Variants in ULK1 observed in about 807,000 individuals in gnomAD.
The protein encoded by ULK1 is serine/threonine-protein kinase ULK1.
Under a neutral mutation model 117.5 loss-of-function variants are expected in ULK1, and 48 were observed. The ratio of observed to expected loss-of-function variants is 0.41; its 90% CI spans 0.32 to 0.52. The LOEUF is 0.52. Among genes scored for constraint, ULK1 ranks in the 20% least tolerant of loss-of-function variants. ULK1 has a pLI of 0.29. For synonymous variants in ULK1, 790 were observed against 637.8 expected, an observed-to-expected ratio of 1.24 and a Z score of -3.60; for missense variants, 1,387 against 1,473.4, an observed-to-expected ratio of 0.94 and a Z score of 0.96.
At position 131,922,019 on chromosome 12, in the gene ULK1, G is replaced by C. The variant is rs1056251985; in HGVS notation, c.*658G>C. On this transcript the variant is annotated 3_prime_UTR_variant, in exon 28 of 28. Coordinates refer to ENST00000321867, the MANE Select transcript of ULK1 (RefSeq NM_003565.4). Reference sequence around the variant, plus strand: ...TCAGCGGGAGAACTGGCTCCGGGGGGAGTGGGGCCCTGCGCTAGAGGCAGA... The same window carrying C: ...TCAGCGGGAGAACTGGCTCCGGGGGCAGTGGGGCCCTGCGCTAGAGGCAGA... 2 of 454,708 alleles carry C rather than the reference G, an allele frequency of 4.4e-6. No homozygotes were observed. The highest frequency in any genetic ancestry group is 8.9e-6 in the Non-Finnish European group (2 of 225,604). The allele number at this position is 454,708 out of a possible 1,614,324, so 28.2% of individuals were successfully genotyped here. A position where few individuals can be genotyped will look rare whatever the true frequency, so the allele number is the denominator to read the frequency against.
rs1462927032 is a variant in ULK1 at position 131,922,011 on chromosome 12, T to TC, written c.*652dup. The TC allele has an allele frequency of 6.6e-6, 3 of 454,750 alleles. No individual in the cohort carries two copies. Among genetic ancestry groups the TC allele is most frequent in the Non-Finnish European group, 8.9e-6 (2 of 225,650 alleles). The allele number at this position is 454,750 out of a possible 1,614,324, so 28.2% of individuals were successfully genotyped here. On this transcript the variant is annotated 3_prime_UTR_variant, in exon 28 of 28. Coordinates refer to ENST00000321867, the MANE Select transcript of ULK1 (RefSeq NM_003565.4). ...TCTGGACCTCAGCGGGAGAACTGGC[T>TC]CCGGGGGGAGTGGGGCCCTGCGCTA...
At chr12:131,917,996 T>C (rs1889940061) in intron 22 of ULK1, among the ~76,000 whole-genome samples, 1 of 152,108 alleles carries the variant, frequency 6.6e-6, no homozygotes, top group South Asian at 2.1e-4. Flanking sequence ...GGGTCCCCAC[T>C]GCGGGTTCTG....
rs142207215 is a variant in ULK1 at position 131,921,890 on chromosome 12, C to A, written c.*529C>A. The A allele has an allele frequency of 4.4e-6, 2 of 457,948 alleles. No individual in the cohort carries two copies. The highest frequency in any genetic ancestry group is 8.8e-6 in the Non-Finnish European group (2 of 227,960). The allele number at this position is 457,948 out of a possible 1,614,324, so 28.4% of individuals were successfully genotyped here. A position where few individuals can be genotyped will look rare whatever the true frequency, so the allele number is the denominator to read the frequency against. On this transcript the variant is annotated 3_prime_UTR_variant, in exon 28 of 28. Transcript: ENST00000321867. The stretch of plus-strand genomic sequence containing the variant: ...GACCTCACCAGGGACTGCTGGGCAG[C>A]GATTCCTGGCAGTGGCCTGGTGTTT...
chr12:131,900,039 C>T (rs1354842328), intron 3 of ULK1, among the ~76,000 whole-genome samples: 1 of 147,106 alleles, frequency 6.8e-6, no homozygotes. Flanking sequence ...ATCGCTTGAA[C>T]CCAGGAAGTG....
At chr12:131,908,588 C>G (rs1889378713) in intron 5 of ULK1, 56 bp from the exon 6 acceptor site, 4 of 1,425,886 alleles carry the variant, frequency 2.8e-6, no homozygotes, top group Non-Finnish European at 3.7e-6. Flanking sequence ...CTGCGCGGGA[C>G]TCACCCCTGG....
chr12:131,917,380 G>C (rs1468292888), intron 21 of ULK1, 31 bp from the exon 22 acceptor site: 1 of 1,417,392 alleles, frequency 7.1e-7, no homozygotes, highest in Non-Finnish European at 9.2e-7. Flanking sequence ...CGGGAGTCAG[G>C]ATGCTCCTGA....
At chr12:131,904,121 G>C (rs1374149770) in intron 3 of ULK1, among the ~76,000 whole-genome samples, 2 of 151,996 alleles carry the variant, frequency 1.3e-5, no homozygotes, top group Admixed American at 1.3e-4. Flanking sequence ...CCAGTCACTG[G>C]TGCCACAGGG....
chr12:131,914,293 TG>T, intron 15 of ULK1, 58 bp from the exon 16 acceptor site: 1 of 1,582,116 alleles, frequency 6.3e-7, no homozygotes. Flanking sequence ...CCCAGCTCCA[TG>T]ACCTCAGCCT....
At chr12:131,913,129 C>A in intron 13 of ULK1, 69 bp from the exon 14 acceptor site, 1 of 1,447,246 alleles carries the variant, frequency 6.9e-7, no homozygotes. Context: ...CAGCAGAGAG[C>A]CTCGGTGGGG....
chr12:131,915,964 T>C lies in ULK1; in HGVS notation c.1683T>C (p.Ser561=). 1 of 1,612,406 alleles carries C rather than the reference T, an allele frequency of 6.2e-7. No individual in the cohort carries two copies. The highest frequency in any genetic ancestry group is 2.2e-5 in the East Asian group (1 of 44,864). ...GCRLHSAPNL[S]DLHVVRPKLP... is the part of the protein sequence containing the mutation. ...GCCTGCACAGCGCCCCCAACCTGTC[T>C]GACTTGCACGTCGTCCGCCCCAAGC... Residue 561 remains serine, a synonymous_variant, in exon 19 of 28, where the codon TCT becomes TCC. Coordinates refer to ENST00000321867, the MANE Select transcript of ULK1 (RefSeq NM_003565.4).
chr12:131,917,394 C>T lies in ULK1; in HGVS notation c.2183-17C>T. 1 of 1,479,110 alleles carries T rather than the reference C, an allele frequency of 6.8e-7. No homozygotes were observed. Among genetic ancestry groups the T allele is most frequent in the Admixed American group, 2.3e-5 (1 of 43,832 alleles). 91.6% of individuals were successfully genotyped at this position (1,479,110 alleles called of 1,614,324 possible). A position where few individuals can be genotyped will look rare whatever the true frequency, so the allele number is the denominator to read the frequency against. ...GCGGGAGTCAGGATGCTCCTGAGCC[C>T]TTCCTTGCTCTCCCAGCACCCTCAG... is the stretch of plus-strand genomic sequence containing the variant. On this transcript the variant is annotated splice_polypyrimidine_tract_variant and intron_variant, in intron 21 of 27. Coordinates refer to ENST00000321867, the MANE Select transcript of ULK1 (RefSeq NM_003565.4).
At chr12:131,907,710 C>T (rs566711509) in intron 5 of ULK1, among the ~76,000 whole-genome samples, 179 bp downstream of exon 5, 8 of 152,248 alleles carry the variant, frequency 5.3e-5, no homozygotes, top group Admixed American at 3.3e-4. Flanking sequence ...GAGCTGCTCC[C>T]GGCTGTTAAG....
Position 131,906,630 on chromosome 12 carries a change from G to T in ULK1, c.247-262G>T, listed in dbSNP as rs925970146. The T allele has an allele frequency of 3.0e-5, 17 of 558,136 alleles. No homozygotes were observed. The Middle Eastern group carries it at 1.5e-3, about 48-fold the overall frequency. 34.6% of individuals were successfully genotyped at this position (558,136 alleles called of 1,614,324 possible). A position where few individuals can be genotyped will look rare whatever the true frequency, so the allele number is the denominator to read the frequency against. On this transcript the variant is annotated intron_variant, in intron 3 of 27. Transcript: ENST00000321867. ...CTTCACCCTTCCTGCTAGGGGGTAT[G>T]TCCTCTGCCAGGAGCTGTTGCTCTT...
chr12:131,919,383 G>A lies in ULK1; in HGVS notation c.2683G>A (p.Gly895Ser). ...GATCAGCCTGCTGAGCCGAGAATGG[G>A]GGTGGGTGCCGCCAGGGCTGGGGTG... The part of the protein sequence containing the change: ...DQISLLSREW[G>S]FAEQLVLYLK... The change falls in exon 24 of 28, where the codon GGC becomes AGC. Residue 895 changes from glycine (G) to serine (S), a missense_variant and splice_region_variant. This residue lies in a region of ULK1 where 900 missense variants were observed against 858.9 expected (regional missense o/e 1.05). Transcript: ENST00000321867. The A allele has an allele frequency of 6.4e-7, 1 of 1,555,568 alleles. No homozygotes were observed. Among genetic ancestry groups the A allele is most frequent in the Non-Finnish European group, 8.7e-7 (1 of 1,149,334 alleles).
At chr12:131,918,922 C>CAGGGTGTGTGGGGTGT (rs1890012711) in intron 23 of ULK1, among the ~76,000 whole-genome samples, 1 of 3,462 alleles carries the variant, frequency 2.9e-4, no homozygotes, top group African/African-American at 5.2e-4. Context: ...GTGTGGGGTG[C>CAGGGTGTGTGGGGTGT]AGGGTGTGTG....
intron 15 of ULK1, 45 bp downstream of exon 15, chr12:131,913,881 C>G (rs113800499): frequency 7.0e-7 from 1 of 1,431,192 alleles, no homozygotes; most frequent in Non-Finnish European, 9.2e-7. Context: ...TGAACAGTCC[C>G]CCGGCTGGAG....
chr12:131,908,875 G>C (rs964829441), intron 6 of ULK1, 23 bp from the exon 7 acceptor site: 3 of 1,608,916 alleles, frequency 1.9e-6, no homozygotes, highest in Non-Finnish European at 2.5e-6. Flanking sequence ...GCCGGCGCCG[G>C]TCCTGACGCT....
rs1320785439 is a variant in ULK1 at position 131,920,043 on chromosome 12, G to C, written c.2868G>C (p.Arg956=). The C allele has an allele frequency of 6.2e-6, 10 of 1,612,848 alleles. No individual in the cohort carries two copies. Among genetic ancestry groups the C allele is most frequent in the Non-Finnish European group, 7.6e-6 (9 of 1,179,974 alleles). ...TGTCCTGCCAGGGCCTGAGCCTGCGGCTGCAGCGCTTCTTCCTGGACAAGC... is the reference window on the plus strand; with the variant it reads ...TGTCCTGCCAGGGCCTGAGCCTGCGCCTGCAGCGCTTCTTCCTGGACAAGC... The part of the protein sequence containing the change: ...SVVSCQGLSL[R]LQRFFLDKQR... Residue 956 remains arginine, a synonymous_variant, in exon 26 of 28, where the codon CGG becomes CGC. Transcript: ENST00000321867.
At chr12:131,910,077 C>G in intron 10 of ULK1, 76 bp downstream of exon 10, 1 of 1,576,554 alleles carries the variant, frequency 6.3e-7, no homozygotes, top group East Asian at 2.2e-5. Context: ...CAGGGCCCAC[C>G]GGCTTCACAC....
Sources: gnomAD v4.1 joint callset for allele counts (sites outside exome capture counted in the v4.1 genomes callset) on GRCh38, gnomAD v4.1.1 for gene constraint, gnomAD v4.1.1 regional missense constraint, MANE v1.5 for transcripts, NCBI Gene and HGNC (gene_info 2026-07-23, HGNC 2026-07-21) for gene names.